The following NRG4 variants were observed in gnomAD, a reference collection of about 807,000 sequenced individuals.
NRG4 encodes neuregulin 4.
In NRG4, 10 loss-of-function variants were observed where a neutral mutation model predicts 15.0. That is an observed-to-expected ratio of 0.67 (90% CI 0.41 to 1.13). NRG4 has a LOEUF of 1.13. Among genes scored for constraint, NRG4 ranks in the 50% most tolerant of loss-of-function variants. The probability of loss-of-function intolerance (pLI) is 0.00; values close to 1 mark genes in which losing one functional copy is unlikely to be tolerated. For synonymous variants in NRG4, 41 were observed against 50.1 expected, an observed-to-expected ratio of 0.82 and a Z score of 0.77; for missense variants, 139 against 140.2, an observed-to-expected ratio of 0.99 and a Z score of 0.04.
rs908598694 is a variant in NRG4, at chr15:76,047,684, G to A, written c.-105+4383C>T. 4.7e-5 allele frequency among the ~76,000 whole-genome samples: 7 copies of A among 150,536 alleles called. 1 individual carries two copies. Among genetic ancestry groups the A allele is most frequent in the Admixed American group, 2.0e-4 (3 of 15,194 alleles). The stretch of plus-strand genomic sequence containing the variant: ...TAAATGTATTTATTACCAATAAACC[G>A]TACACTTAAAAGTGGTAAAGATGGT... On this transcript the variant is annotated intron_variant, in intron 4 of 8. Transcript: ENST00000563910.
chr15:75,956,159 A>G, intron 4 of NRG4, 148 bp from the exon 5 acceptor site: 2 of 582,442 alleles, frequency 3.4e-6, no homozygotes, highest in Non-Finnish European at 6.1e-6. Flanking sequence ...TGACTATTTG[A>G]TGGTTCATTT....
downstream of NRG4, chr15:75,936,109 C>G (rs560466641): frequency 1.3e-5 from 2 of 152,234 alleles, no homozygotes; most frequent in African/African-American, 4.8e-5. Context: ...ACTTTCTATG[C>G]AATCTGCAGA....
chr15:75,992,090 A>G (rs919091129), intron 3 of NRG4, among the ~76,000 whole-genome samples: 2 of 152,134 alleles, frequency 1.3e-5, no homozygotes, highest in African/African-American at 4.8e-5. Context: ...TAGGGTTACT[A>G]TTATATCACT....
intron 4 of NRG4, chr15:75,959,101 C>A (rs1187836861): frequency 2.6e-6 from 1 of 391,564 alleles, no homozygotes; most frequent in Non-Finnish European, 5.1e-6. Flanking sequence ...CCCATCTCAG[C>A]CTCCCAAGCA....
At chr15:75,957,591 A>G (rs904920539) in intron 4 of NRG4, among the ~76,000 whole-genome samples, 1 of 152,008 alleles carries the variant, frequency 6.6e-6, no homozygotes, top group Non-Finnish European at 1.5e-5. Context: ...ATTTATTTTT[A>G]TTTATCCTGC....
intron 2 of NRG4, 147 bp from the exon 3 acceptor site, chr15:76,009,440 C>A (rs1193048009): frequency 1.9e-6 from 1 of 540,244 alleles, no homozygotes; most frequent in Non-Finnish European, 3.2e-6. Context: ...AGATTTAATT[C>A]TATTCCTTAT....
chr15:76,000,996 C>A (rs1033937080), intron 3 of NRG4, among the ~76,000 whole-genome samples: 10 of 145,582 alleles, frequency 6.9e-5, no homozygotes, highest in African/African-American at 2.7e-4. Flanking sequence ...TTATTTTTAT[C>A]TTTTTTTAGA....
chr15:75,969,768 C>T (rs1030980398), intron 3 of NRG4, among the ~76,000 whole-genome samples: 1 of 152,186 alleles, frequency 6.6e-6, no homozygotes, highest in Non-Finnish European at 1.5e-5. Flanking sequence ...CTGCTGAGAA[C>T]ACTAATGAAG....
Position 75,941,546 on chromosome 15 carries a change from T to G in NRG4, c.*2092A>C, listed in dbSNP as rs1263539331. 6.6e-6 allele frequency: 1 copy of G among 152,150 alleles called. No individual in the cohort carries two copies. Among genetic ancestry groups the G allele is most frequent in the Admixed American group, 6.5e-5 (1 of 15,274 alleles). 9.4% of individuals were successfully genotyped at this position (152,150 alleles called of 1,614,324 possible). A position where few individuals can be genotyped will look rare whatever the true frequency, so the allele number is the denominator to read the frequency against. On this transcript the variant is annotated 3_prime_UTR_variant, in exon 6 of 6. Transcript: ENST00000394907. ...CCCAAATACCCAACAGATGAATGGA[T>G]AGACAAAATGTGTTATATCCATACA...
rs1346410821 is a variant in NRG4 at position 75,940,936 on chromosome 15, T to C, written c.*2702A>G. ...AATTCACAGACAACGAAAGAAAAAA[T>C]AGGCAAATTATACTTCATTAAAATT... On this transcript the variant is annotated 3_prime_UTR_variant, in exon 6 of 6. Coordinates refer to ENST00000394907, the MANE Select transcript of NRG4 (RefSeq NM_138573.4). 1.3e-5 allele frequency: 2 copies of C among 151,960 alleles called. No individual in the cohort carries two copies. The highest frequency in any genetic ancestry group is 2.9e-5 in the Non-Finnish European group (2 of 67,946). 9.4% of individuals were successfully genotyped at this position (151,960 alleles called of 1,614,324 possible).
At position 75,961,696 on chromosome 15, in the gene NRG4, CTG is replaced by C. The variant is rs1421365212; in HGVS notation, c.251+130_251+131del. ...TCAAAAATGAAATTAGTAACAAAAA[CTG>C]TATTAAAGAGATAACTAAACATAAT... On this transcript the variant is annotated intron_variant, in intron 4 of 5. Coordinates refer to ENST00000394907, the MANE Select transcript of NRG4 (RefSeq NM_138573.4). 6 of 617,320 alleles carry C rather than the reference CTG, an allele frequency of 9.7e-6. No homozygotes were observed. The African/African-American group carries it at 1.1e-4, about 12-fold the overall frequency. The allele number at this position is 617,320 out of a possible 1,614,324, so 38.2% of individuals were successfully genotyped here. A position where few individuals can be genotyped will look rare whatever the true frequency, so the allele number is the denominator to read the frequency against.
chr15:76,008,508 T>G (rs1221762144), intron 3 of NRG4, among the ~76,000 whole-genome samples: 1 of 152,162 alleles, frequency 6.6e-6, no homozygotes, highest in Non-Finnish European at 1.5e-5. Context: ...GGGTGTTAGC[T>G]CCACAGTATA....
At chr15:75,948,703 T>C (rs11636891) in intron 5 of NRG4, among the ~76,000 whole-genome samples, 37,549 of 152,062 alleles carry the variant, frequency 0.25, 5,592 homozygotes, top group Non-Finnish European at 0.33. Flanking sequence ...AACGGGCTTT[T>C]AAAAACAACT....
chr15:76,039,393 C>A (rs958299955), intron 4 of NRG4, among the ~76,000 whole-genome samples: 1 of 152,052 alleles, frequency 6.6e-6, no homozygotes, highest in Non-Finnish European at 1.5e-5. Context: ...ATGCAGAATT[C>A]TATCAGATAA....
At chr15:76,043,361 C>T (rs2035791564) in intron 4 of NRG4, among the ~76,000 whole-genome samples, 1 of 152,156 alleles carries the variant, frequency 6.6e-6, no homozygotes, top group Non-Finnish European at 1.5e-5. Flanking sequence ...ATCAAATTAT[C>T]ATTGTTTGCA....
intron 3 of NRG4, among the ~76,000 whole-genome samples, chr15:75,974,662 G>C (rs185065398): frequency 1.3e-5 from 2 of 152,144 alleles, no homozygotes; most frequent in Non-Finnish European, 2.9e-5. Flanking sequence ...ATGTAGTTGT[G>C]TGGCTTTGAG....
At chr15:76,056,050 T>C (rs1191937790) in intron 2 of NRG4, among the ~76,000 whole-genome samples, 2 of 152,236 alleles carry the variant, frequency 1.3e-5, no homozygotes, top group Non-Finnish European at 2.9e-5. Context: ...GAGAGCCTAC[T>C]GAGTCCATGG....
intron 5 of NRG4, among the ~76,000 whole-genome samples, chr15:75,949,194 A>G (rs2031728339): frequency 6.6e-6 from 1 of 152,180 alleles, no homozygotes; most frequent in Non-Finnish European, 1.5e-5. Context: ...GGTGGATCAC[A>G]TGAGACCAGA....
intron 4 of NRG4, among the ~76,000 whole-genome samples, chr15:76,045,826 G>T (rs769081431): frequency 6.6e-6 from 1 of 150,860 alleles, no homozygotes; most frequent in African/African-American, 2.5e-5. Flanking sequence ...ATAGTTAATG[G>T]ATCCAAATTA....
Sources: gnomAD v4.1 joint callset for allele counts (sites outside exome capture counted in the v4.1 genomes callset) on GRCh38, gnomAD v4.1.1 for gene constraint, MANE v1.5 for transcripts, NCBI Gene and HGNC (gene_info 2026-07-23, HGNC 2026-07-21) for gene names.